ROCK1: variants seen among roughly 807,000 people sequenced by gnomAD.
ROCK1 encodes rho-associated protein kinase 1.
A neutral mutation model predicts 196.8 loss-of-function variants in ROCK1; 36 were observed. The ratio of observed to expected loss-of-function variants is 0.18; its 90% CI spans 0.14 to 0.24. ROCK1 has a LOEUF of 0.24. Ranked by LOEUF, ROCK1 falls within the 10% of genes least tolerant of loss-of-function variation. The pLI, the probability that ROCK1 is intolerant of heterozygous loss-of-function variation, is 1.00. For missense variants in ROCK1, 920 were observed against 1,562.0 expected (o/e 0.59, Z 6.93); for synonymous variants, 443 against 515.9 (o/e 0.86, Z 1.91).
chr18:21,082,242 C>A (rs1321920860), intron 1 of ROCK1, among the ~76,000 whole-genome samples: 2 of 152,032 alleles, frequency 1.3e-5, no homozygotes, highest in Non-Finnish European at 2.9e-5. Flanking sequence ...GTATGTCCGG[C>A]CTCTACCAAA....
chr18:21,015,355 A>G, intron 13 of ROCK1, 76 bp downstream of exon 13: 1 of 991,846 alleles, frequency 1.0e-6, no homozygotes, highest in Non-Finnish European at 1.6e-6. Flanking sequence ...TTCAAATACA[A>G]TTTTCTCAGG....
chr18:20,975,217 G>A (rs1238236675), intron 22 of ROCK1, among the ~76,000 whole-genome samples: 1 of 152,226 alleles, frequency 6.6e-6, no homozygotes, highest in African/African-American at 2.4e-5. Flanking sequence ...CCACGGTAGT[G>A]GGGTGGGGAT....
chr18:21,044,565 T>G (rs1740785726), intron 5 of ROCK1, among the ~76,000 whole-genome samples: 1 of 152,144 alleles, frequency 6.6e-6, no homozygotes, highest in African/African-American at 2.4e-5. Flanking sequence ...ATCCCTGACA[T>G]GTAGGCACAG....
At chr18:20,973,230 T>C (rs975699073) in intron 22 of ROCK1, among the ~76,000 whole-genome samples, 6 of 152,034 alleles carry the variant, frequency 3.9e-5, no homozygotes, top group Non-Finnish European at 8.8e-5. Flanking sequence ...ATAACAATGA[T>C]AATGACTACA....
At chr18:21,043,887 CTAAA>C (rs1292302527) in intron 6 of ROCK1, among the ~76,000 whole-genome samples, 1 of 151,626 alleles carries the variant, frequency 6.6e-6, no homozygotes, top group Non-Finnish European at 1.5e-5. Flanking sequence ...CATATTTACC[CTAAA>C]TAGAGAGGAA....
intron 2 of ROCK1, among the ~76,000 whole-genome samples, chr18:21,052,398 G>T (rs375897566): frequency 3.3e-5 from 5 of 152,192 alleles, no homozygotes; most frequent in African/African-American, 1.2e-4. Context: ...GATCTTAAAC[G>T]AAGCCTATTT....
intron 13 of ROCK1, among the ~76,000 whole-genome samples, chr18:21,015,159 T>G (rs1031954124): frequency 6.6e-6 from 1 of 152,208 alleles, no homozygotes; most frequent in Non-Finnish European, 1.5e-5. Context: ...CTCTGGCTCC[T>G]TTCTCACATT....
At chr18:21,047,701 G>A (rs986139608) in intron 4 of ROCK1, among the ~76,000 whole-genome samples, 9 of 152,062 alleles carry the variant, frequency 5.9e-5, no homozygotes, top group Non-Finnish European at 1.3e-4. Flanking sequence ...GGCTGAGGCA[G>A]GAGAATGGCG....
chr18:20,972,890 T>C (rs1025225240), intron 22 of ROCK1, among the ~76,000 whole-genome samples: 2 of 152,322 alleles, frequency 1.3e-5, no homozygotes, highest in South Asian at 2.1e-4. Flanking sequence ...GTAGATAATG[T>C]AGTTAAAAGA....
intron 32 of ROCK1, 42 bp downstream of exon 32, chr18:20,953,536 C>T: frequency 7.0e-7 from 1 of 1,430,750 alleles, no homozygotes; most frequent in Non-Finnish European, 9.6e-7. Context: ...GTTATCCAAT[C>T]ATTTTCACAT....
chr18:21,078,371 CACAGAG>C (rs1441275003), intron 1 of ROCK1, among the ~76,000 whole-genome samples: 1,744 of 143,984 alleles, frequency 0.012, 11 homozygotes, highest in Middle Eastern at 0.037. Context: ...CACACACACA[CACAGAG>C]AGAGAGAGAG....
chr18:21,005,603 G>A (rs992543442), intron 16 of ROCK1, among the ~76,000 whole-genome samples: 3 of 152,182 alleles, frequency 2.0e-5, no homozygotes, highest in African/African-American at 7.2e-5. Flanking sequence ...CTGGCCTGGT[G>A]TGGTGTCTCA....
chr18:20,973,869 C>T (rs955663087), intron 22 of ROCK1, among the ~76,000 whole-genome samples: 1 of 149,644 alleles, frequency 6.7e-6, no homozygotes, highest in African/African-American at 2.5e-5. Context: ...ATCTCGGCTC[C>T]TCCCGGGTTC....
chr18:21,050,774 CAA>C (rs2143519140), intron 2 of ROCK1, among the ~76,000 whole-genome samples: 1 of 152,286 alleles, frequency 6.6e-6, no homozygotes, highest in African/African-American at 2.4e-5. Context: ...CAAATTTCTA[CAA>C]AGTTATAAGT....
chr18:20,985,836 T>G (rs2035573534), intron 19 of ROCK1, among the ~76,000 whole-genome samples: 1 of 152,166 alleles, frequency 6.6e-6, no homozygotes, highest in Non-Finnish European at 1.5e-5. Context: ...AAAAGTGCTT[T>G]CACCTATAGC....
intron 13 of ROCK1, among the ~76,000 whole-genome samples, chr18:21,010,677 C>T (rs1192400526): frequency 6.6e-6 from 1 of 152,176 alleles, no homozygotes; most frequent in Non-Finnish European, 1.5e-5. Context: ...GAAAAGAAGG[C>T]ATATTGTGCT....
intron 1 of ROCK1, among the ~76,000 whole-genome samples, chr18:21,104,229 C>T (rs367919992): frequency 6.6e-6 from 1 of 152,178 alleles, no homozygotes; most frequent in East Asian, 1.9e-4. Flanking sequence ...TAAAGTTATG[C>T]AAAGTCTAAT....
At chr18:21,001,506 G>A (rs1311905323) in intron 16 of ROCK1, among the ~76,000 whole-genome samples, 5 of 152,142 alleles carry the variant, frequency 3.3e-5, no homozygotes, top group East Asian at 1.9e-4. Flanking sequence ...GGTGGCTCAC[G>A]CCTGTAATCC....
chr18:21,044,212 T>A lies in ROCK1; in HGVS notation c.591-26A>T, dbSNP rs745327736. On this transcript the variant is annotated intron_variant, in intron 5 of 32. Coordinates refer to ENST00000399799, the MANE Select transcript of ROCK1 (RefSeq NM_005406.3). ...CTGCAGGAGGGAAAAAATAGTACAG[T>A]ATTTTCTGAAACAGATTAGACACTG... is the stretch of plus-strand genomic sequence containing the variant. The A allele has an allele frequency of 3.2e-6, 5 of 1,547,084 alleles. No homozygotes were observed. In the African/African-American group the frequency reaches 5.5e-5, roughly 17 times the overall value.
Sources: allele counts gnomAD v4.1 joint callset (sites outside exome capture counted in the v4.1 genomes callset), GRCh38; gene constraint gnomAD v4.1.1; transcripts MANE v1.5; gene names NCBI Gene and HGNC (gene_info 2026-07-23, HGNC 2026-07-21).